TSPAN9: variants seen among roughly 807,000 people sequenced by gnomAD.
TSPAN9 encodes tetraspanin 9.
Under a neutral mutation model 31.0 loss-of-function variants are expected in TSPAN9, and 16 were observed. The observed-to-expected ratio is 0.52, with a 90% CI of 0.35 to 0.78. The LOEUF is 0.78. TSPAN9 is among the 30% of genes least tolerant of loss of function. The probability of loss-of-function intolerance (pLI) is 0.01; values close to 1 mark genes in which losing one functional copy is unlikely to be tolerated. For synonymous variants in TSPAN9, 145 were observed against 121.6 expected, an observed-to-expected ratio of 1.19 and a Z score of -1.27; for missense variants, 272 against 312.5, an observed-to-expected ratio of 0.87 and a Z score of 0.98.
At chr12:3,252,256 G>A (rs1448912834) in intron 3 of TSPAN9, among the ~76,000 whole-genome samples, 2 of 152,198 alleles carry the variant, frequency 1.3e-5, no homozygotes, top group East Asian at 1.9e-4. Flanking sequence ...CCTGGTGCTG[G>A]TGTGGCCAGG....
chr12:3,273,238 T>C (rs972427855), intron 3 of TSPAN9: 5 of 152,256 alleles, frequency 3.3e-5, no homozygotes, highest in Admixed American at 6.5e-5. Flanking sequence ...AAGGAGGCCA[T>C]TGGCAAATGT....
At position 3,085,218 on chromosome 12, in the gene TSPAN9, C is replaced by T. The variant is rs1271020697; in HGVS notation, c.-18+1499C>T. ...GTCCCTATTAAAAAAAAAAAAAGAC[C>T]GGGCGGCAGAGAGGGAAGGACTTAA... On this transcript the variant is annotated intron_variant, in intron 2 of 8. Transcript: ENST00000011898. 2.6e-5 allele frequency among the ~76,000 whole-genome samples: 4 copies of T among 151,598 alleles called. No individual in the cohort carries two copies. The East Asian group carries it at 5.8e-4, about 22-fold the overall frequency.
intron 2 of TSPAN9, among the ~76,000 whole-genome samples, chr12:3,138,786 T>G (rs927825670): frequency 6.6e-6 from 1 of 152,112 alleles, no homozygotes; most frequent in African/African-American, 2.4e-5. Context: ...CTACCCTGTT[T>G]CTTCTTTGTT....
At chr12:3,268,015 C>A (rs1017707113) in intron 3 of TSPAN9, among the ~76,000 whole-genome samples, 1 of 152,224 alleles carries the variant, frequency 6.6e-6, no homozygotes, top group African/African-American at 2.4e-5. Context: ...CTCCTCACCC[C>A]CTACTCTCCC....
At chr12:3,255,873 G>T (rs369798330) in intron 3 of TSPAN9, among the ~76,000 whole-genome samples, 1 of 152,240 alleles carries the variant, frequency 6.6e-6, no homozygotes, top group East Asian at 1.9e-4. Context: ...CGTAGATCGT[G>T]TGGCAACAAG....
chr12:3,244,375 T>C (rs1456603603), intron 3 of TSPAN9, among the ~76,000 whole-genome samples: 1 of 152,114 alleles, frequency 6.6e-6, no homozygotes, highest in Non-Finnish European at 1.5e-5. Context: ...GGGTGAGGTG[T>C]GTGGAAGCCC....
chr12:3,270,301 G>A (rs1375529587), intron 3 of TSPAN9, among the ~76,000 whole-genome samples: 1 of 152,180 alleles, frequency 6.6e-6, no homozygotes, highest in Admixed American at 6.5e-5. Context: ...GCATCGTCCT[G>A]TAGCCTTTCT....
intron 2 of TSPAN9, among the ~76,000 whole-genome samples, chr12:3,139,712 A>G (rs546022375): frequency 6.6e-6 from 1 of 151,980 alleles, no homozygotes; most frequent in East Asian, 1.9e-4. Context: ...TGCCCAGCTC[A>G]TTTTTTTGTA....
At chr12:3,101,872 C>T (rs2153964430) in intron 2 of TSPAN9, among the ~76,000 whole-genome samples, 1 of 152,334 alleles carries the variant, frequency 6.6e-6, no homozygotes, top group East Asian at 1.9e-4. Flanking sequence ...CTTGCTGCAG[C>T]CATTCCACTG....
chr12:3,225,942 G>A (rs776952401), intron 3 of TSPAN9, among the ~76,000 whole-genome samples: 70 of 152,102 alleles, frequency 4.6e-4, no homozygotes, highest in Non-Finnish European at 8.2e-4. Context: ...GGCCAAGCTG[G>A]GAGCCAGCTG....
intron 2 of TSPAN9, among the ~76,000 whole-genome samples, chr12:3,134,028 T>G (rs1462948462): frequency 6.6e-6 from 1 of 152,078 alleles, no homozygotes; most frequent in Non-Finnish European, 1.5e-5. Context: ...AACAGCCCCT[T>G]AGAAGGTGTG....
At chr12:3,264,708 T>C (rs740769) in intron 3 of TSPAN9, among the ~76,000 whole-genome samples, 59,389 of 152,196 alleles carry the variant, frequency 0.39, 13,583 homozygotes, top group South Asian at 0.59. Context: ...GGCTGCAGGC[T>C]ATAAATACTC....
intron 3 of TSPAN9, chr12:3,273,237 A>G (rs1297496070): frequency 6.6e-6 from 1 of 152,268 alleles, no homozygotes; most frequent in Non-Finnish European, 1.5e-5. Context: ...CAAGGAGGCC[A>G]TTGGCAAATG....
chr12:3,261,916 G>A (rs1862457214), intron 3 of TSPAN9, among the ~76,000 whole-genome samples: 1 of 152,202 alleles, frequency 6.6e-6, no homozygotes, highest in Non-Finnish European at 1.5e-5. Context: ...CACTGGCTAA[G>A]CATCCCCATT....
intron 2 of TSPAN9, among the ~76,000 whole-genome samples, chr12:3,163,712 A>G (rs2098346754): frequency 1.3e-5 from 2 of 152,176 alleles, no homozygotes; most frequent in Admixed American, 1.3e-4. Context: ...ATTGCGTATA[A>G]TTTACATATC....
chr12:3,252,312 G>A (rs1344132073), intron 3 of TSPAN9, among the ~76,000 whole-genome samples: 1 of 152,216 alleles, frequency 6.6e-6, no homozygotes, highest in African/African-American at 2.4e-5. Context: ...GGTGAGACTG[G>A]AATGGCGTTT....
chr12:3,213,062 G>T (rs1007929166), intron 3 of TSPAN9, among the ~76,000 whole-genome samples: 1 of 152,208 alleles, frequency 6.6e-6, no homozygotes, highest in African/African-American at 2.4e-5. Context: ...CAGATCTGTG[G>T]AGCGCTAGGA....
At chr12:3,223,809 C>G (rs2098385799) in intron 3 of TSPAN9, among the ~76,000 whole-genome samples, 2 of 152,188 alleles carry the variant, frequency 1.3e-5, no homozygotes. Flanking sequence ...AGCGATCAGC[C>G]TAGGGGCTGA....
intron 2 of TSPAN9, among the ~76,000 whole-genome samples, chr12:3,171,053 G>A (rs574671998): frequency 2.6e-5 from 4 of 152,048 alleles, no homozygotes; most frequent in African/African-American, 7.2e-5. Flanking sequence ...TCCAGCCACC[G>A]TTCGTCACCT....
Sources: allele counts gnomAD v4.1 joint callset (sites outside exome capture counted in the v4.1 genomes callset), GRCh38; gene constraint gnomAD v4.1.1; transcripts MANE v1.5; gene names NCBI Gene and HGNC (gene_info 2026-07-23, HGNC 2026-07-21).